The following FOXP1 variants were observed in gnomAD, a reference collection of about 807,000 sequenced individuals.
FOXP1 encodes the protein forkhead box P1.
In FOXP1, 15 loss-of-function variants were observed where a neutral mutation model predicts 98.2. The observed-to-expected ratio is 0.15, with a 90% CI of 0.10 to 0.24. The LOEUF (loss-of-function observed/expected upper bound fraction) is 0.24, where lower values mean the gene tolerates loss of function less well. Among genes scored for constraint, FOXP1 ranks in the 10% least tolerant of loss-of-function variants. The pLI is 1.00. For synonymous variants in FOXP1, 371 were observed against 314.5 expected, an observed-to-expected ratio of 1.18 and a Z score of -1.90; for missense variants, 633 against 848.5, an observed-to-expected ratio of 0.75 and a Z score of 3.15.
intron 11 of FOXP1, among the ~76,000 whole-genome samples, chr3:71,022,303 TA>T (rs1175630244): frequency 6.6e-6 from 1 of 152,212 alleles, no homozygotes; most frequent in African/African-American, 2.4e-5. Context: ...TCACTTTTCT[TA>T]GATTTCTTTT....
intron 4 of FOXP1, among the ~76,000 whole-genome samples, chr3:71,326,798 G>A (rs1444511840): frequency 3.3e-5 from 5 of 152,202 alleles, no homozygotes; most frequent in Non-Finnish European, 7.3e-5. Context: ...AGAGTTGGGA[G>A]AGATGGACTA....
intron 5 of FOXP1, among the ~76,000 whole-genome samples, chr3:71,234,001 T>C (rs2066562521): frequency 6.6e-6 from 1 of 152,076 alleles, no homozygotes; most frequent in Admixed American, 6.5e-5. Flanking sequence ...CCAGTCCTGG[T>C]TTTTATACAA....
intron 3 of FOXP1, among the ~76,000 whole-genome samples, chr3:71,430,238 T>C (rs2084578514): frequency 6.6e-6 from 1 of 152,164 alleles, no homozygotes; most frequent in African/African-American, 2.4e-5. Flanking sequence ...GATTTCGGCA[T>C]TGCTAACTCA....
intron 3 of FOXP1, among the ~76,000 whole-genome samples, chr3:71,458,515 C>G (rs2087716055): frequency 2.6e-5 from 4 of 152,110 alleles, no homozygotes; most frequent in Admixed American, 2.6e-4. Context: ...AGTGTAATAT[C>G]CCTGTGCTTG....
At chr3:71,132,614 C>T (rs2059626928) in intron 6 of FOXP1, among the ~76,000 whole-genome samples, 1 of 152,188 alleles carries the variant, frequency 6.6e-6, no homozygotes, top group Non-Finnish European at 1.5e-5. Context: ...TTCCTGATTG[C>T]AAGCACCCTC....
chr3:71,281,526 G>A (rs2071566463), intron 5 of FOXP1, among the ~76,000 whole-genome samples: 1 of 152,228 alleles, frequency 6.6e-6, no homozygotes, highest in Non-Finnish European at 1.5e-5. Flanking sequence ...CCTAGGACAT[G>A]GTGAATACCT....
chr3:71,144,909 G>A (rs2060235496), intron 6 of FOXP1, among the ~76,000 whole-genome samples: 1 of 152,178 alleles, frequency 6.6e-6, no homozygotes, highest in Non-Finnish European at 1.5e-5. Flanking sequence ...TTTCTGAAAT[G>A]GCATATAAAT....
chr3:71,215,462 T>C (rs1013066530), intron 5 of FOXP1, among the ~76,000 whole-genome samples: 25 of 152,152 alleles, frequency 1.6e-4, no homozygotes, highest in Admixed American at 1.6e-3. Context: ...CCATGAAAAA[T>C]GCACAGTGTT....
intron 4 of FOXP1, among the ~76,000 whole-genome samples, chr3:71,336,068 C>G (rs1239330374): frequency 2.3e-5 from 3 of 129,530 alleles, no homozygotes; most frequent in Admixed American, 7.9e-5. Flanking sequence ...CTGAAACATT[C>G]TGTCATAGCA....
At chr3:71,176,743 C>CAAAAAAAAAAAAAA (rs573639526) in intron 6 of FOXP1, among the ~76,000 whole-genome samples, 2 of 75,548 alleles carry the variant, frequency 2.6e-5, no homozygotes, top group African/African-American at 1.2e-4. Flanking sequence ...GAGGCTATCT[C>CAAAAAAAAAAAAAA]AAAAAAAAAA....
At chr3:71,582,633 G>A in intron 1 of FOXP1, 1 of 985,442 alleles carries the variant, frequency 1.0e-6, no homozygotes, top group Non-Finnish European at 1.2e-6. Flanking sequence ...CAGAAAATGT[G>A]TGTGATGGTG....
At chr3:71,242,203 T>C (rs1160412363) in intron 5 of FOXP1, among the ~76,000 whole-genome samples, 1 of 152,196 alleles carries the variant, frequency 6.6e-6, no homozygotes, top group Non-Finnish European at 1.5e-5. Flanking sequence ...TAACCCCCCA[T>C]ATTCATTTAA....
intron 4 of FOXP1, among the ~76,000 whole-genome samples, chr3:71,352,413 C>T (rs997272295): frequency 7.5e-6 from 1 of 133,850 alleles, no homozygotes; most frequent in Admixed American, 9.2e-5. Context: ...TGCAGTGAGC[C>T]GAGACTGCAC....
At chr3:71,091,805 G>A (rs998103562) in intron 7 of FOXP1, among the ~76,000 whole-genome samples, 2 of 152,154 alleles carry the variant, frequency 1.3e-5, no homozygotes, top group African/African-American at 2.4e-5. Context: ...TCACAGCTGG[G>A]AGAGAGGTAT....
At chr3:71,567,692 G>A (rs948335680) in intron 2 of FOXP1, among the ~76,000 whole-genome samples, 13 of 152,112 alleles carry the variant, frequency 8.5e-5, no homozygotes, top group African/African-American at 2.9e-4. Context: ...GATGGGGCTC[G>A]ATTAGCTTGC....
At chr3:71,106,686 C>T (rs2057461453) in intron 7 of FOXP1, among the ~76,000 whole-genome samples, 1 of 151,748 alleles carries the variant, frequency 6.6e-6, no homozygotes. Flanking sequence ...CCTCAAACTC[C>T]TGAGCTCAAG....
At chr3:71,013,007 T>C (rs544545455) in intron 12 of FOXP1, among the ~76,000 whole-genome samples, 6 of 152,312 alleles carry the variant, frequency 3.9e-5, no homozygotes, top group Non-Finnish European at 7.4e-5. Flanking sequence ...ATTTATATGA[T>C]ACAAAAATGG....
intron 3 of FOXP1, among the ~76,000 whole-genome samples, chr3:71,365,818 A>G (rs1358375221): frequency 2.6e-5 from 4 of 152,172 alleles, no homozygotes; most frequent in Non-Finnish European, 4.4e-5. Flanking sequence ...CCCCATCTCT[A>G]CTAAAAATAC....
At chr3:71,295,080 C>T (rs1009637205) in intron 5 of FOXP1, among the ~76,000 whole-genome samples, 1 of 152,148 alleles carries the variant, frequency 6.6e-6, no homozygotes. Context: ...GGTTACAACC[C>T]AGGCATGAGT....
Sources: gnomAD v4.1 joint callset for allele counts (sites outside exome capture counted in the v4.1 genomes callset) on GRCh38, gnomAD v4.1.1 for gene constraint, MANE v1.5 for transcripts, NCBI Gene and HGNC (gene_info 2026-07-23, HGNC 2026-07-21) for gene names.